The following SPDYA variants were observed in gnomAD, a reference collection of about 807,000 sequenced individuals.
SPDYA encodes speedy/RINGO cell cycle regulator family member A, also known as speedy protein A.
Under a neutral mutation model 36.7 loss-of-function variants are expected in SPDYA, and 11 were observed. That is an observed-to-expected ratio of 0.30 (90% CI 0.19 to 0.50). The LOEUF (loss-of-function observed/expected upper bound fraction) is 0.50, where lower values mean the gene tolerates loss of function less well. Among genes scored for constraint, SPDYA ranks in the 20% least tolerant of loss-of-function variants. The probability of loss-of-function intolerance (pLI) is 0.98; values close to 1 mark genes in which losing one functional copy is unlikely to be tolerated. For missense variants in SPDYA, 287 were observed against 370.9 expected (o/e 0.77, Z 1.86); for synonymous variants, 115 against 118.7 (o/e 0.97, Z 0.20).
intron 5 of SPDYA, among the ~76,000 whole-genome samples, chr2:28,823,200 A>G (rs1224897793): frequency 1.3e-5 from 2 of 152,130 alleles, no homozygotes; most frequent in East Asian, 3.9e-4. Flanking sequence ...TACTAAACAC[A>G]CTGAGCTGTG....
At chr2:28,837,966 A>G (rs1366136635) in intron 6 of SPDYA, among the ~76,000 whole-genome samples, 1 of 151,220 alleles carries the variant, frequency 6.6e-6, no homozygotes, top group African/African-American at 2.5e-5. Context: ...ACACTGACCC[A>G]AGGCACCCCC....
chr2:28,829,399 A>T, intron 6 of SPDYA, 80 bp downstream of exon 6: 1 of 1,386,514 alleles, frequency 7.2e-7, no homozygotes, highest in Non-Finnish European at 9.7e-7. Context: ...ATGTGCTTCT[A>T]ATGTTTTGGT....
chr2:28,848,664 C>A (rs1212085902), intron 7 of SPDYA, among the ~76,000 whole-genome samples: 1 of 152,118 alleles, frequency 6.6e-6, no homozygotes, highest in Non-Finnish European at 1.5e-5. Context: ...AAAATTTACA[C>A]ACATGTATAA....
chr2:28,820,493 G>A (rs1380310647), intron 4 of SPDYA, among the ~76,000 whole-genome samples: 1 of 152,062 alleles, frequency 6.6e-6, no homozygotes, highest in Non-Finnish European at 1.5e-5. Context: ...GGCTGAGACA[G>A]GAGAATTGCT....
At chr2:28,846,938 A>G (rs1302876006) in intron 7 of SPDYA, among the ~76,000 whole-genome samples, 1 of 152,220 alleles carries the variant, frequency 6.6e-6, no homozygotes, top group East Asian at 1.9e-4. Context: ...AAAGTAGACA[A>G]TTGGGGATTG....
At chr2:28,835,251 A>T (rs1241850897) in intron 6 of SPDYA, among the ~76,000 whole-genome samples, 1 of 143,824 alleles carries the variant, frequency 7.0e-6, no homozygotes, top group African/African-American at 2.6e-5. Context: ...TTTAAGACAG[A>T]GTTTCATTCT....
chr2:28,840,672 T>C (rs1668728502), intron 7 of SPDYA: 1 of 1,323,246 alleles, frequency 7.6e-7, no homozygotes, highest in Admixed American at 3.7e-5. Context: ...AGATTTTTAA[T>C]GTGACCTATG....
At chr2:28,847,807 T>C (rs1463104573) in intron 7 of SPDYA, among the ~76,000 whole-genome samples, 3 of 151,338 alleles carry the variant, frequency 2.0e-5, no homozygotes, top group Non-Finnish European at 3.0e-5. Flanking sequence ...AAGATTATAA[T>C]GGAGCTGAAA....
At chr2:28,829,623 C>T (rs1668423629) in intron 6 of SPDYA, among the ~76,000 whole-genome samples, 1 of 151,824 alleles carries the variant, frequency 6.6e-6, no homozygotes, top group Admixed American at 6.6e-5. Flanking sequence ...GCCTGGCCAA[C>T]ATGGTGAAAC....
At chr2:28,822,890 G>A (rs1668205773) in intron 5 of SPDYA, among the ~76,000 whole-genome samples, 1 of 152,188 alleles carries the variant, frequency 6.6e-6, no homozygotes, top group African/African-American at 2.4e-5. Context: ...ACAGGTGTGA[G>A]CCACTGCGCC....
intron 7 of SPDYA, among the ~76,000 whole-genome samples, chr2:28,843,122 T>C (rs1473155932): frequency 2.0e-5 from 3 of 152,222 alleles, no homozygotes; most frequent in Non-Finnish European, 4.4e-5. Context: ...AAAGACATGT[T>C]TTCCTACCTT....
At chr2:28,816,719 C>G (rs897942579) in intron 3 of SPDYA, among the ~76,000 whole-genome samples, 4 of 152,168 alleles carry the variant, frequency 2.6e-5, no homozygotes, top group African/African-American at 7.2e-5. Context: ...TAAAAATTAA[C>G]TATGCTTTAT....
chr2:28,829,956 AAAAG>A lies in SPDYA; in HGVS notation c.552+641_552+644del, dbSNP rs1268085028. Among the ~76,000 whole-genome samples the A allele has an allele frequency of 3.1e-4, 42 of 137,304 alleles. 7 individuals carry two copies. Among genetic ancestry groups the A allele is most frequent in the East Asian group, 1.2e-3 (5 of 4,208 alleles). The allele number at this position is 137,304 out of a possible 152,430, so 90.1% of individuals were successfully genotyped here. ...GAGACTCCATCTCAAAAAAAAAAAA[AAAAG>A]AAAAGAAAAGAAAAAGAAAAATACA... On this transcript the variant is annotated intron_variant, in intron 6 of 7. Transcript: ENST00000334056.
intron 2 of SPDYA, 50 bp from the exon 3 acceptor site, chr2:28,815,947 T>G: frequency 8.3e-7 from 1 of 1,211,186 alleles, no homozygotes; most frequent in Non-Finnish European, 1.2e-6. Context: ...TAGTTGTTTA[T>G]ATATGAAATG....
intron 6 of SPDYA, among the ~76,000 whole-genome samples, chr2:28,832,737 G>A (rs1668506765): frequency 1.3e-5 from 2 of 151,782 alleles, no homozygotes; most frequent in Non-Finnish European, 2.9e-5. Flanking sequence ...AAAATATCCA[G>A]CATCCTACCA....
intron 6 of SPDYA, among the ~76,000 whole-genome samples, chr2:28,830,877 C>T (rs987072152): frequency 6.6e-6 from 1 of 152,036 alleles, no homozygotes; most frequent in Non-Finnish European, 1.5e-5. Flanking sequence ...CAGAAAAATT[C>T]TAGAGTAGAA....
intron 5 of SPDYA, among the ~76,000 whole-genome samples, chr2:28,826,701 A>C (rs1572500868): frequency 8.8e-6 from 1 of 113,196 alleles, no homozygotes. Context: ...TGCGATCTCC[A>C]CCTCCCTGGA....
chr2:28,819,847 AAAATATATATATATATATAT>A (rs1668102868), intron 4 of SPDYA, among the ~76,000 whole-genome samples: 1 of 19,536 alleles, frequency 5.1e-5, no homozygotes, highest in Non-Finnish European at 8.3e-5. Flanking sequence ...AAAAAAAAAA[AAAATATATATATATATATAT>A]ATATATATAT....
intron 6 of SPDYA, among the ~76,000 whole-genome samples, chr2:28,836,440 G>A (rs1250616733): frequency 6.6e-6 from 1 of 152,194 alleles, no homozygotes; most frequent in Non-Finnish European, 1.5e-5. Flanking sequence ...ATAAGTAGCA[G>A]ATACTAATAA....
Sources: gnomAD v4.1 joint callset for allele counts (sites outside exome capture counted in the v4.1 genomes callset) on GRCh38, gnomAD v4.1.1 for gene constraint, MANE v1.5 for transcripts, NCBI Gene and HGNC (gene_info 2026-07-23, HGNC 2026-07-21) for gene names.